The following FBXO34 variants were observed in gnomAD, a reference collection of about 807,000 sequenced individuals.
The protein encoded by FBXO34 is F-box protein 34.
In FBXO34, 12 loss-of-function variants were observed where a neutral mutation model predicts 24.5. That is an observed-to-expected ratio of 0.49 (90% CI 0.31 to 0.79). The LOEUF (loss-of-function observed/expected upper bound fraction) is 0.79, where lower values mean the gene tolerates loss of function less well. Ranked by LOEUF, FBXO34 falls within the 30% of genes least tolerant of loss-of-function variation. The pLI, the probability that FBXO34 is intolerant of heterozygous loss-of-function variation, is 0.04. For missense variants in FBXO34, 823 were observed against 857.7 expected, an observed-to-expected ratio of 0.96 and a Z score of 0.51; for synonymous variants, 320 against 311.9, an observed-to-expected ratio of 1.03 and a Z score of -0.27.
downstream of FBXO34, among the ~76,000 whole-genome samples, chr14:55,355,585 TTTACA>T (rs374707405): frequency 4.5e-4 from 68 of 152,340 alleles, 1 homozygote; most frequent in African/African-American, 1.6e-3. Flanking sequence ...ATAACAACTG[TTTACA>T]TTAGGTATTA....
In FBXO34 at chr14:55,337,349, A is replaced by C. The variant is rs530546529; in HGVS notation, c.-10-13032A>C. Among the ~76,000 whole-genome samples the C allele has an allele frequency of 5.1e-4, 77 of 152,304 alleles. 1 individual carries two copies. The highest frequency in any genetic ancestry group is 3.4e-3 in the Middle Eastern group (1 of 294). ...CTCATTCTATGGAACAATTTTTTGT[A>C]AATAAATCCGTTATAAATTGACACC... On this transcript the variant is annotated intron_variant, in intron 1 of 1. Coordinates refer to ENST00000313833, the MANE Select transcript of FBXO34 (RefSeq NM_017943.4).
chr14:55,380,706 A>C, the FBXO34 span: 358 of 1,539,242 alleles, frequency 2.3e-4, 1 homozygote, highest in Middle Eastern at 3.4e-4. Context: ...GTAAGAAAAC[A>C]ACCACCATGT....
chr14:55,392,648 C>CAAA, the FBXO34 span, among the ~76,000 whole-genome samples: 8 of 51,842 alleles, frequency 1.5e-4, no homozygotes, highest in Admixed American at 7.6e-4. Context: ...GACTCCACCT[C>CAAA]AAAAAAAAAA....
chr14:55,380,304 CAT>C, the FBXO34 span, among the ~76,000 whole-genome samples: 228 of 152,250 alleles, frequency 1.5e-3, 1 homozygote, highest in African/African-American at 5.3e-3. Flanking sequence ...TGCGATTTAA[CAT>C]ATGAGGATCT....
the FBXO34 span, among the ~76,000 whole-genome samples, chr14:55,399,208 G>A: frequency 6.6e-6 from 1 of 152,022 alleles, no homozygotes; most frequent in Admixed American, 6.5e-5. Context: ...AACAGAAAAA[G>A]CAAATAGGCA....
intron 1 of FBXO34, among the ~76,000 whole-genome samples, chr14:55,296,399 T>G (rs867230006): frequency 8.1e-4 from 107 of 132,284 alleles, no homozygotes; most frequent in South Asian, 1.8e-3. Flanking sequence ...TTGTTTTTTT[T>G]TTTTTTTTTT....
chr14:55,275,981 G>T (rs751008283), intron 1 of FBXO34, among the ~76,000 whole-genome samples: 48 of 152,160 alleles, frequency 3.2e-4, no homozygotes, highest in Non-Finnish European at 6.0e-4. Flanking sequence ...GATAACCACA[G>T]ATTGAGATTG....
intron 1 of FBXO34, among the ~76,000 whole-genome samples, chr14:55,294,702 C>G (rs1882061269): frequency 6.6e-6 from 1 of 152,104 alleles, no homozygotes. Context: ...CTACTGTGTT[C>G]CATAATTACA....
intron 1 of FBXO34, among the ~76,000 whole-genome samples, chr14:55,302,745 A>T (rs1882408256): frequency 6.6e-6 from 1 of 152,206 alleles, no homozygotes; most frequent in African/African-American, 2.4e-5. Context: ...TACTAGATAC[A>T]GAAACAAGTT....
chr14:55,358,642 C>T (rs1392982951), intron 3 of FBXO34, among the ~76,000 whole-genome samples: 1 of 152,182 alleles, frequency 6.6e-6, no homozygotes, highest in Non-Finnish European at 1.5e-5. Flanking sequence ...TGAAGAGGCG[C>T]AGGGCAGGAA....
At chr14:55,371,306 C>T (rs912605406), downstream of FBXO34, among the ~76,000 whole-genome samples, 1 of 152,192 alleles carries the variant, frequency 6.6e-6, no homozygotes, top group Non-Finnish European at 1.5e-5. Flanking sequence ...TGGCTTCCAA[C>T]GCACCTCACC....
chr14:55,273,392 C>T (rs889758754), intron 1 of FBXO34, among the ~76,000 whole-genome samples: 2 of 152,158 alleles, frequency 1.3e-5, no homozygotes, highest in African/African-American at 4.8e-5. Context: ...TATTTTGATC[C>T]TCACCACAAC....
chr14:55,335,000 A>T (rs1210118333), intron 1 of FBXO34, among the ~76,000 whole-genome samples: 1 of 152,128 alleles, frequency 6.6e-6, no homozygotes, highest in African/African-American at 2.4e-5. Flanking sequence ...CCAGAGTGGG[A>T]TGGCTTGCCT....
the FBXO34 span, among the ~76,000 whole-genome samples, chr14:55,394,084 G>A: frequency 1.3e-5 from 2 of 148,636 alleles, no homozygotes; most frequent in South Asian, 2.1e-4. Flanking sequence ...TCGGCTCACT[G>A]TGATCTCTGT....
chr14:55,390,005 T>C, the FBXO34 span, among the ~76,000 whole-genome samples: 1 of 151,990 alleles, frequency 6.6e-6, no homozygotes, highest in Admixed American at 6.6e-5. Context: ...CCAATAATTA[T>C]TACAAGTGAG....
rs993792636 is a variant in FBXO34 at position 55,282,060 on chromosome 14, G to T, written c.-11+10523G>T. On this transcript the variant is annotated intron_variant, in intron 1 of 1. Coordinates refer to ENST00000313833, the MANE Select transcript of FBXO34 (RefSeq NM_017943.4). ...TTGCCAGGCTGGAGTGCAGTGGCAC[G>T]ATCTCGGCTCTCTGCAATCTCCGCC... is the stretch of plus-strand genomic sequence containing the variant. Among the ~76,000 whole-genome samples the T allele has an allele frequency of 2.2e-5, 3 of 136,372 alleles. No homozygotes were observed. In the East Asian group the frequency reaches 6.6e-4, roughly 30 times the overall value. 89.5% of individuals were successfully genotyped at this position (136,372 alleles called of 152,430 possible).
the FBXO34 span, chr14:55,414,198 C>G: frequency 1.8e-6 from 1 of 564,192 alleles, no homozygotes; most frequent in African/African-American, 1.9e-5. Flanking sequence ...TAAAATAACA[C>G]AAAAGGAGTC....
chr14:55,337,732 ATTTAAT>A (rs939826445), intron 1 of FBXO34, among the ~76,000 whole-genome samples: 1 of 152,240 alleles, frequency 6.6e-6, no homozygotes, highest in East Asian at 1.9e-4. Flanking sequence ...AAACAAATGA[ATTTAAT>A]TTTAAGTAAG....
At chr14:55,368,107 AAAT>A (rs768360445), downstream of FBXO34, 5 of 128,738 alleles carry the variant, frequency 3.9e-5, no homozygotes, top group Non-Finnish European at 7.2e-5. Flanking sequence ...CAGTTATTAA[AAAT>A]AAACTACTTA....
Sources: allele counts gnomAD v4.1 joint callset (sites outside exome capture counted in the v4.1 genomes callset), GRCh38; gene constraint gnomAD v4.1.1; transcripts MANE v1.5; gene names NCBI Gene and HGNC (gene_info 2026-07-23, HGNC 2026-07-21).